ZNF385B: variants seen among roughly 807,000 people sequenced by gnomAD.
The protein encoded by ZNF385B is zinc finger protein 533.
In ZNF385B, 23 loss-of-function variants were observed where a neutral mutation model predicts 39.2. That is an observed-to-expected ratio of 0.59 (90% CI 0.42 to 0.83). The LOEUF is 0.83. Ranked by LOEUF, ZNF385B falls within the 40% of genes least tolerant of loss-of-function variation. The pLI, the probability that ZNF385B is intolerant of heterozygous loss-of-function variation, is 0.00. For missense variants in ZNF385B, 552 were observed against 598.9 expected (o/e 0.92, Z 0.82); for synonymous variants, 205 against 222.6 (o/e 0.92, Z 0.70).
At chr2:179,745,620 TGA>T in intron 3 of ZNF385B, 1 of 1,120,710 alleles carries the variant, frequency 8.9e-7, no homozygotes. Flanking sequence ...TAAACACAAT[TGA>T]GGACTCCACA....
chr2:179,637,191 G>A (rs1219641980), intron 3 of ZNF385B: 1 of 152,100 alleles, frequency 6.6e-6, no homozygotes, highest in Non-Finnish European at 1.5e-5. Context: ...GCTATTATTA[G>A]ATATAATACA....
At chr2:179,766,066 A>ACACACACACAC (rs1559174922) in intron 3 of ZNF385B, among the ~76,000 whole-genome samples, 16 of 146,816 alleles carry the variant, frequency 1.1e-4, no homozygotes, top group South Asian at 4.3e-4. Context: ...ACACACACAC[A>ACACACACACAC]GCAGACTGGT....
chr2:179,680,193 C>T (rs932987303), intron 3 of ZNF385B, among the ~76,000 whole-genome samples: 4 of 152,002 alleles, frequency 2.6e-5, no homozygotes, highest in African/African-American at 9.7e-5. Context: ...GTAGAAAAGG[C>T]ATTTTAAAAA....
At chr2:179,474,523 C>T (rs991563645) in intron 6 of ZNF385B, among the ~76,000 whole-genome samples, 15 of 152,088 alleles carry the variant, frequency 9.9e-5, no homozygotes, top group Non-Finnish European at 1.9e-4. Flanking sequence ...CTCTGGGTGT[C>T]ACTTTCTAAT....
chr2:179,817,662 CCT>C (rs1491468451), intron 1 of ZNF385B, among the ~76,000 whole-genome samples: 1 of 122,710 alleles, frequency 8.1e-6, no homozygotes, highest in Non-Finnish European at 1.7e-5. Context: ...TGTGTGTAAC[CCT>C]CTGTGTGTGT....
chr2:179,727,776 A>C (rs1701114095), intron 3 of ZNF385B, among the ~76,000 whole-genome samples: 1 of 152,132 alleles, frequency 6.6e-6, no homozygotes, highest in Non-Finnish European at 1.5e-5. Context: ...TATGGAGTGC[A>C]TCAAAAGATA....
chr2:179,491,608 A>G (rs2055236376), intron 5 of ZNF385B, among the ~76,000 whole-genome samples: 1 of 152,240 alleles, frequency 6.6e-6, no homozygotes, highest in South Asian at 2.1e-4. Flanking sequence ...ATTTTCTCAA[A>G]GAATTATGTA....
chr2:179,448,034 G>T (rs2049687751), intron 6 of ZNF385B, among the ~76,000 whole-genome samples: 1 of 151,324 alleles, frequency 6.6e-6, no homozygotes, highest in Non-Finnish European at 1.5e-5. Flanking sequence ...CAGCTAGAGG[G>T]TGCTATGGAG....
intron 3 of ZNF385B, among the ~76,000 whole-genome samples, chr2:179,554,883 C>T (rs1201771953): frequency 6.7e-6 from 1 of 149,166 alleles, no homozygotes; most frequent in African/African-American, 2.5e-5. Flanking sequence ...TACAGAGCAA[C>T]TAGAACTCTA....
At chr2:179,628,767 A>G (rs1690911817) in intron 3 of ZNF385B, among the ~76,000 whole-genome samples, 1 of 152,162 alleles carries the variant, frequency 6.6e-6, no homozygotes, top group Non-Finnish European at 1.5e-5. Context: ...TTCTCCATGT[A>G]TTGGCTGGAA....
At chr2:179,593,972 A>G (rs1358841285) in intron 3 of ZNF385B, among the ~76,000 whole-genome samples, 3 of 152,196 alleles carry the variant, frequency 2.0e-5, no homozygotes, top group African/African-American at 7.2e-5. Context: ...TCCAGGGCAT[A>G]TAAGTCAAGA....
chr2:179,482,910 C>A (rs1358505582), intron 6 of ZNF385B, among the ~76,000 whole-genome samples: 2 of 151,926 alleles, frequency 1.3e-5, no homozygotes, highest in African/African-American at 4.8e-5. Context: ...TAGTAAAAAA[C>A]ACACATAAAA....
At chr2:179,695,834 C>T (rs1405901165) in intron 3 of ZNF385B, among the ~76,000 whole-genome samples, 3 of 152,124 alleles carry the variant, frequency 2.0e-5, no homozygotes, top group Admixed American at 2.0e-4. Context: ...AATGTGGAAA[C>T]AACCCAAATG....
chr2:179,581,990 T>C (rs780646286), intron 3 of ZNF385B, among the ~76,000 whole-genome samples: 2 of 152,202 alleles, frequency 1.3e-5, no homozygotes, highest in South Asian at 2.1e-4. Context: ...GCTCTTGTTA[T>C]AGTAAACTAT....
At chr2:179,771,229 A>C (rs974662568) in intron 1 of ZNF385B, among the ~76,000 whole-genome samples, 1 of 152,176 alleles carries the variant, frequency 6.6e-6, no homozygotes, top group Admixed American at 6.5e-5. Context: ...TCAGAGCTCT[A>C]AGAAAAGGAA....
At chr2:179,535,475 G>C (rs1311217836) in intron 4 of ZNF385B, among the ~76,000 whole-genome samples, 2 of 152,082 alleles carry the variant, frequency 1.3e-5, no homozygotes, top group African/African-American at 4.8e-5. Flanking sequence ...CTTTTCAGTG[G>C]TAGGGCTCTC....
intron 3 of ZNF385B, among the ~76,000 whole-genome samples, chr2:179,546,184 T>C (rs2060220104): frequency 6.6e-6 from 1 of 151,986 alleles, no homozygotes; most frequent in East Asian, 1.9e-4. Context: ...TACAGGTACA[T>C]GCCACCACAC....
intron 3 of ZNF385B, among the ~76,000 whole-genome samples, chr2:179,737,593 C>A (rs887572737): frequency 2.0e-5 from 3 of 152,122 alleles, no homozygotes; most frequent in African/African-American, 7.2e-5. Context: ...AAAATAACAA[C>A]AGCTGAATTT....
At chr2:179,850,608 A>C (rs10196283) in intron 1 of ZNF385B, among the ~76,000 whole-genome samples, 22,683 of 152,188 alleles carry the variant, frequency 0.15, 1,779 homozygotes, top group Admixed American at 0.21. Context: ...GAGGAGGCAC[A>C]TGCTTTGTCT....
Sources: gnomAD v4.1 joint callset for allele counts (sites outside exome capture counted in the v4.1 genomes callset) on GRCh38, gnomAD v4.1.1 for gene constraint, MANE v1.5 for transcripts, NCBI Gene and HGNC (gene_info 2026-07-23, HGNC 2026-07-21) for gene names.